Variants in CHST9 observed in about 807,000 individuals in gnomAD.
CHST9 encodes carbohydrate sulfotransferase 9, also known as GalNAc-4-sulfotransferase 2.
CHST9 carries 41 observed loss-of-function variants against 44.4 expected under a neutral mutation model. The ratio of observed to expected loss-of-function variants is 0.92; its 90% CI spans 0.72 to 1.20. The LOEUF is 1.20. CHST9 is among the 50% of genes most tolerant of loss of function. The pLI is 0.00. For synonymous variants in CHST9, 171 were observed against 178.4 expected (o/e 0.96, Z 0.33); for missense variants, 504 against 516.5 (o/e 0.98, Z 0.23).
chr18:27,092,256 G>T (rs1459190752), intron 2 of CHST9, among the ~76,000 whole-genome samples: 1 of 152,104 alleles, frequency 6.6e-6, no homozygotes, highest in Non-Finnish European at 1.5e-5. Flanking sequence ...ATTATCTGAT[G>T]GTAGTTTGTA....
chr18:27,016,446 A>G (rs1048605239), intron 4 of CHST9, among the ~76,000 whole-genome samples: 1 of 152,220 alleles, frequency 6.6e-6, no homozygotes, highest in African/African-American at 2.4e-5. Flanking sequence ...TGCCACCTGC[A>G]CAGGCAGGCC....
At chr18:27,032,570 C>T (rs1238641506) in intron 3 of CHST9, among the ~76,000 whole-genome samples, 1 of 152,202 alleles carries the variant, frequency 6.6e-6, no homozygotes, top group African/African-American at 2.4e-5. Context: ...TTTATGCACA[C>T]CCTGTGCCAG....
intron 2 of CHST9, among the ~76,000 whole-genome samples, chr18:27,107,121 A>G (rs1479377215): frequency 6.6e-6 from 1 of 152,184 alleles, no homozygotes; most frequent in Non-Finnish European, 1.5e-5. Context: ...AATGGAGTAT[A>G]TGATTATGTG....
chr18:27,142,848 T>C lies in CHST9; in HGVS notation c.-39A>G. 1.3e-6 allele frequency: 2 copies of C among 1,558,248 alleles called. No homozygotes were observed. Among genetic ancestry groups the C allele is most frequent in the African/African-American group, 1.4e-5 (1 of 72,886 alleles). ...AGAATCTGAAGACCACATGATTTGT[T>C]TTCCCGTAAAACTTCAGTCTTTTCT... On this transcript the variant is annotated 5_prime_UTR_variant, in exon 2 of 6. Transcript: ENST00000618847.
chr18:27,143,687 C>T (rs1487491536), intron 1 of CHST9, among the ~76,000 whole-genome samples: 2 of 151,860 alleles, frequency 1.3e-5, no homozygotes, highest in Non-Finnish European at 2.9e-5. Flanking sequence ...ACATAAAATG[C>T]CAAAGTGTTC....
chr18:27,164,366 A>G (rs992997826), intron 1 of CHST9, among the ~76,000 whole-genome samples: 24 of 151,648 alleles, frequency 1.6e-4, no homozygotes, highest in African/African-American at 5.6e-4. Context: ...TAACCAAGTG[A>G]AAAACATATG....
chr18:27,094,427 T>G (rs1464089698), intron 2 of CHST9, among the ~76,000 whole-genome samples: 1 of 152,192 alleles, frequency 6.6e-6, no homozygotes, highest in Admixed American at 6.5e-5. Flanking sequence ...AAAAAGCCTT[T>G]CTGTCAGGTG....
chr18:27,042,070 G>A (rs1023684445), intron 3 of CHST9, among the ~76,000 whole-genome samples: 18 of 152,096 alleles, frequency 1.2e-4, no homozygotes, highest in South Asian at 6.2e-4. Context: ...CTGGGAGGCC[G>A]AGGCAGAAAA....
chr18:27,001,310 A>T (rs1452871906), intron 4 of CHST9, among the ~76,000 whole-genome samples: 1 of 152,200 alleles, frequency 6.6e-6, no homozygotes, highest in Non-Finnish European at 1.5e-5. Context: ...AAATAATTCT[A>T]TTCCCTTGGA....
intron 2 of CHST9, among the ~76,000 whole-genome samples, chr18:27,088,688 G>T (rs755799599): frequency 6.6e-6 from 1 of 152,078 alleles, no homozygotes; most frequent in Non-Finnish European, 1.5e-5. Context: ...CACTGAGCCT[G>T]GCCTATTATC....
At chr18:26,965,620 TAAC>T (rs528195417) in intron 4 of CHST9, among the ~76,000 whole-genome samples, 72 of 152,334 alleles carry the variant, frequency 4.7e-4, no homozygotes, top group African/African-American at 1.6e-3. Context: ...AGAGATGTGA[TAAC>T]AATAAAATTT....
At chr18:27,019,843 T>A (rs954685580) in intron 4 of CHST9, among the ~76,000 whole-genome samples, 1 of 152,048 alleles carries the variant, frequency 6.6e-6, no homozygotes, top group Non-Finnish European at 1.5e-5. Flanking sequence ...ATTACTAAAA[T>A]CTGTGAGATA....
chr18:27,064,862 C>G (rs1300269523), intron 2 of CHST9, among the ~76,000 whole-genome samples: 1 of 152,134 alleles, frequency 6.6e-6, no homozygotes, highest in Non-Finnish European at 1.5e-5. Flanking sequence ...GAGGAAGAGG[C>G]CAGGCCTGCT....
At chr18:27,081,796 G>C (rs2057963390) in intron 2 of CHST9, among the ~76,000 whole-genome samples, 2 of 152,202 alleles carry the variant, frequency 1.3e-5, no homozygotes, top group African/African-American at 4.8e-5. Context: ...GAAGCTCAAA[G>C]CACACCTTGT....
chr18:27,119,279 G>C, intron 2 of CHST9, among the ~76,000 whole-genome samples: 1 of 152,032 alleles, frequency 6.6e-6, no homozygotes, highest in Non-Finnish European at 1.5e-5. Context: ...AATGCAAAGG[G>C]CTTTTGTTTT....
chr18:26,954,105 A>G (rs937514786), intron 4 of CHST9, among the ~76,000 whole-genome samples: 1 of 152,122 alleles, frequency 6.6e-6, no homozygotes, highest in African/African-American at 2.4e-5. Context: ...TTAATAAGGA[A>G]TCTGAGAATC....
chr18:27,158,913 G>C (rs1199930788), intron 1 of CHST9, among the ~76,000 whole-genome samples: 1 of 152,202 alleles, frequency 6.6e-6, no homozygotes, highest in African/African-American at 2.4e-5. Context: ...CTTTTGAGAA[G>C]TGTCTGTCTG....
chr18:27,087,718 C>G (rs759798996), intron 2 of CHST9, among the ~76,000 whole-genome samples: 12 of 152,176 alleles, frequency 7.9e-5, no homozygotes, highest in Non-Finnish European at 1.5e-4. Flanking sequence ...ATCTAATAAC[C>G]TTATTAGCTA....
intron 2 of CHST9, among the ~76,000 whole-genome samples, chr18:27,067,180 C>T (rs1598693858): frequency 6.6e-6 from 1 of 151,952 alleles, no homozygotes; most frequent in Non-Finnish European, 1.5e-5. Context: ...GGGAATGTCA[C>T]TAGTGGATAA....
Sources: gnomAD v4.1 joint callset for allele counts (sites outside exome capture counted in the v4.1 genomes callset) on GRCh38, gnomAD v4.1.1 for gene constraint, MANE v1.5 for transcripts, NCBI Gene and HGNC (gene_info 2026-07-23, HGNC 2026-07-21) for gene names.